Variants in ERCC2 observed in about 807,000 individuals in gnomAD.
The protein encoded by ERCC2 is ERCC excision repair 2, TFIIH core complex helicase subunit, also known as general transcription and DNA repair factor IIH helicase subunit XPD.
A neutral mutation model predicts 99.4 loss-of-function variants in ERCC2; 90 were observed. The observed-to-expected ratio is 0.91, with a 90% CI of 0.76 to 1.08. The LOEUF (loss-of-function observed/expected upper bound fraction) is 1.08, where lower values mean the gene tolerates loss of function less well. Among genes scored for constraint, ERCC2 ranks in the 50% least tolerant of loss-of-function variants. The pLI is 0.00. For synonymous variants in ERCC2, 497 were observed against 432.4 expected, an observed-to-expected ratio of 1.15 and a Z score of -1.85; for missense variants, 993 against 1,038.1, an observed-to-expected ratio of 0.96 and a Z score of 0.60.
chr19:45,354,546 T>G (rs1971944976), intron 17 of ERCC2, among the ~76,000 whole-genome samples, 184 bp downstream of exon 17: 1 of 152,136 alleles, frequency 6.6e-6, no homozygotes, highest in Non-Finnish European at 1.5e-5. Context: ...ATTCTCAGCC[T>G]GATGTACTGG....
At position 45,357,316 on chromosome 19, in the gene ERCC2, A is replaced by G. The variant is rs944171529; in HGVS notation, c.1433T>C (p.Met478Thr). ...PKILDFHPVTMATFTMTLARV... is the reference protein window; with the variant it reads ...PKILDFHPVTTATFTMTLARV... ...TGCCAGCGTCATGGTGAAGGTTGCC[A>G]TGGTGACGGGGTGGAAGTCCAGGAT... Residue 478 changes from methionine (M) to threonine (T), a missense_variant, in exon 15 of 23, where the codon ATG (methionine) becomes ACG (threonine). Met to Thr is a moderately conservative substitution (Grantham distance 81, BLOSUM62 -1). Around this residue, in one of 3 missense-constraint regions of ERCC2, gnomAD observed 909 missense variants for 930.8 expected, o/e 0.98. Transcript: ENST00000391945. 1 of 1,614,168 alleles carries G rather than the reference A, an allele frequency of 6.2e-7. No individual in the cohort carries two copies. The highest frequency in any genetic ancestry group is 2.2e-5 in the East Asian group (1 of 44,878).
intron 12 of ERCC2, chr19:45,358,982 G>T (rs914121579): frequency 2.8e-6 from 2 of 705,762 alleles, no homozygotes; most frequent in South Asian, 3.1e-5. Context: ...AAAAAATCAA[G>T]TCCTCTGTGC....
At position 45,357,345 on chromosome 19, in the gene ERCC2, G is replaced by A. The variant is rs886054497; in HGVS notation, c.1404C>T (p.Pro468=). Residue 468 remains proline, a synonymous_variant, in exon 15 of 23, where the codon CCC becomes CCT. Coordinates refer to ENST00000391945, the MANE Select transcript of ERCC2 (RefSeq NM_000400.4). ...SGTLSPLDIY[P]KILDFHPVTM... is the part of the protein sequence containing the mutation. The stretch of plus-strand genomic sequence containing the variant: ...TGACGGGGTGGAAGTCCAGGATCTT[G>A]GGGTAGATGTCCAGCGGGGACAGTG... The A allele has an allele frequency of 1.2e-6, 2 of 1,614,102 alleles. No homozygotes were observed. Among genetic ancestry groups the A allele is most frequent in the South Asian group, 1.1e-5 (1 of 91,074 alleles).
chr19:45,360,072 G>A (rs1315652838), intron 12 of ERCC2, among the ~76,000 whole-genome samples: 2 of 146,256 alleles, frequency 1.4e-5, no homozygotes, highest in East Asian at 2.1e-4. Flanking sequence ...ACTATGCCAG[G>A]CCTATTTTTT....
intron 5 of ERCC2, 80 bp from the exon 6 acceptor site, chr19:45,365,238 G>T: frequency 9.3e-7 from 1 of 1,074,290 alleles, no homozygotes; most frequent in Non-Finnish European, 1.4e-6. Context: ...ACACCTCCCA[G>T]CTGGCTGGGG....
chr19:45,360,155 A>G (rs972365402), intron 12 of ERCC2, among the ~76,000 whole-genome samples: 1 of 148,210 alleles, frequency 6.7e-6, no homozygotes, highest in African/African-American at 2.5e-5. Flanking sequence ...ATCTCGGCTC[A>G]CTGCAAGCTC....
At position 45,368,629 on chromosome 19, in the gene ERCC2, C is replaced by T; in HGVS notation, c.360+1G>A. On this transcript the variant is annotated splice_donor_variant, in intron 5 of 22. Coordinates refer to ENST00000391945, the MANE Select transcript of ERCC2 (RefSeq NM_000400.4). LOFTEE classifies it high-confidence loss of function. ...GGCAAGGAGAAGGAACAGGTGCTCACCTCAGGGTGAATACACAAGTTTTTG... is the reference window on the plus strand; with the variant it reads ...GGCAAGGAGAAGGAACAGGTGCTCATCTCAGGGTGAATACACAAGTTTTTG... 6.2e-7 allele frequency: 1 copy of T among 1,601,394 alleles called. No individual in the cohort carries two copies. Among genetic ancestry groups the T allele is most frequent in the Non-Finnish European group, 8.6e-7 (1 of 1,168,382 alleles).
In ERCC2 at chr19:45,352,832, G is replaced by C; in HGVS notation, c.1832-16C>G. 10 of 1,612,240 alleles carry C rather than the reference G, an allele frequency of 6.2e-6. No homozygotes were observed. The highest frequency in any genetic ancestry group is 8.5e-6 in the Non-Finnish European group (10 of 1,178,756). The stretch of plus-strand genomic sequence containing the variant: ...TAGTGGTGCACTGGTGGGCAGAGGA[G>C]AGGGGGCGAGGGGGGTTACAAGTGT... On this transcript the variant is annotated splice_polypyrimidine_tract_variant and intron_variant, in intron 19 of 22. Transcript: ENST00000391945.
chr19:45,351,259 C>G lies in ERCC2; in HGVS notation c.*370G>C, dbSNP rs1971756327. ...GTAACACTTGCCCCTCACCTCCCCT[C>G]CAACCATCCCCTGTGCCTGTCTCCA... On this transcript the variant is annotated 3_prime_UTR_variant, in exon 23 of 23. Transcript: ENST00000391945. The G allele has an allele frequency of 3.1e-6, 5 of 1,608,668 alleles. No individual in the cohort carries two copies. Among genetic ancestry groups the G allele is most frequent in the Non-Finnish European group, 4.2e-6 (5 of 1,178,248 alleles).
At chr19:45,352,447 G>GAAAC (rs1971840466) in intron 21 of ERCC2, 59 bp downstream of exon 21, 1 of 1,613,992 alleles carries the variant, frequency 6.2e-7, no homozygotes. Context: ...AAATGAACGG[G>GAAAC]AAACAGCCTG....
chr19:45,353,266 A>G lies in ERCC2; in HGVS notation c.1734T>C (p.Ser578=), dbSNP rs769277823. 6.2e-7 allele frequency: 1 copy of G among 1,613,930 alleles called. No individual in the cohort carries two copies. The highest frequency in any genetic ancestry group is 8.5e-7 in the Non-Finnish European group (1 of 1,179,948). The part of the protein sequence containing the change: ...FIETQDGAET[S]VALEKYQEAC... ...CCTCCTGGTACTTCTCCAGGGCGAC[A>G]CTGGTTTCGGCACCATCCTGGGTCT... is the stretch of plus-strand genomic sequence containing the variant. Residue 578 remains serine, a synonymous_variant, in exon 18 of 23, where the codon AGT becomes AGC. Coordinates refer to ENST00000391945, the MANE Select transcript of ERCC2 (RefSeq NM_000400.4).
rs116544270 is a variant in ERCC2 at position 45,353,275 on chromosome 19, G to C, written c.1725C>G (p.Ala575=). The C allele has an allele frequency of 3.1e-6, 5 of 1,613,642 alleles. No individual in the cohort carries two copies. In the African/African-American group the frequency reaches 5.3e-5, roughly 17 times the overall value. The part of the protein sequence containing the change: ...KLLFIETQDG[A]ETSVALEKYQ... ...ACTTCTCCAGGGCGACACTGGTTTC[G>C]GCACCATCCTGGGTCTCAATAAAGA... The change falls in exon 18 of 23, where the codon GCC becomes GCG. Residue 575 remains alanine, a synonymous_variant. Transcript: ENST00000391945.
rs1568526556 is a variant in ERCC2 at position 45,350,088 on chromosome 19, CAAGGCTTTAGGCAGGGG to C, written c.*1524_*1540del. The C allele has an allele frequency of 3.8e-6, 2 of 520,498 alleles. No individual in the cohort carries two copies. Among genetic ancestry groups the C allele is most frequent in the African/African-American group, 1.9e-5 (1 of 52,376 alleles). 32.2% of individuals were successfully genotyped at this position (520,498 alleles called of 1,614,324 possible). ...GCTCCAAACCCACTCTGCCCCAGGGCAAGGCTTTAGGCAGGGGAAGGATACGGCCAGGTCAGCACATT... is the reference window on the plus strand; with the variant it reads ...GCTCCAAACCCACTCTGCCCCAGGGCAAGGATACGGCCAGGTCAGCACATT... On this transcript the variant is annotated 3_prime_UTR_variant, in exon 23 of 23. Transcript: ENST00000391945.
In ERCC2 at chr19:45,352,558, C is replaced by T. The variant is rs755955616; in HGVS notation, c.1994G>A (p.Gly665Asp). 6.2e-7 allele frequency: 1 copy of T among 1,614,110 alleles called. No individual in the cohort carries two copies. The highest frequency in any genetic ancestry group is 1.7e-5 in the Admixed American group (1 of 60,028). The stretch of plus-strand genomic sequence containing the variant: ...GTCCGTCTTGCCCCTGATGGCCCGA[C>T]CCACACACTGGGCCGCGTGGCGCAT... ...DAMRHAAQCV[G>D]RAIRGKTDYG... The change falls in exon 21 of 23, where the codon GGT (glycine) becomes GAT (aspartate). Residue 665 changes from glycine to aspartate, a missense_variant. This residue lies in a region of ERCC2 where 909 missense variants were observed against 930.8 expected (regional missense o/e 0.98). Transcript: ENST00000391945.
At chr19:45,358,028 G>A in intron 12 of ERCC2, 1 of 469,526 alleles carries the variant, frequency 2.1e-6, no homozygotes, top group Non-Finnish European at 3.9e-6. Flanking sequence ...AGAGCCTCAA[G>A]CTTTCTCCCA....
intron 17 of ERCC2, 83 bp downstream of exon 17, chr19:45,354,647 G>A: frequency 1.3e-6 from 2 of 1,557,348 alleles, no homozygotes; most frequent in South Asian, 1.1e-5. Flanking sequence ...CACCATCAGA[G>A]TGTGAGAGGA....
At position 45,354,561 on chromosome 19, in the gene ERCC2, G is replaced by A. The variant is rs3916870; in HGVS notation, c.1665+169C>T. 4.1e-3 allele frequency among the ~76,000 whole-genome samples: 623 copies of A among 152,264 alleles called. 5 individuals carry two copies. The highest frequency in any genetic ancestry group is 0.013 in the African/African-American group (548 of 41,540). On this transcript the variant is annotated intron_variant, in intron 17 of 22. Coordinates refer to ENST00000391945, the MANE Select transcript of ERCC2 (RefSeq NM_000400.4). ...ATTCTCAGCCTGATGTACTGGGGGC[G>A]GGGCATGGGGGTGTGTGCTGCTTAC...
intron 22 of ERCC2, 45 bp from the exon 23 acceptor site, chr19:45,351,766 G>A (rs1426932530): frequency 6.4e-7 from 1 of 1,562,536 alleles, no homozygotes; most frequent in East Asian, 2.2e-5. Context: ...TGTTGGGCAG[G>A]GGCCCAGGCA....
At chr19:45,353,038 G>A (rs1271016927) in intron 19 of ERCC2, 45 bp downstream of exon 19, 1 of 1,580,962 alleles carries the variant, frequency 6.3e-7, no homozygotes, top group Non-Finnish European at 8.7e-7. Context: ...GTGTTCCAGA[G>A]AGCTCTGGGA....
Sources: allele counts gnomAD v4.1 joint callset (sites outside exome capture counted in the v4.1 genomes callset), GRCh38; gene constraint gnomAD v4.1.1; regional missense constraint gnomAD v4.1.1; transcripts MANE v1.5; gene names NCBI Gene and HGNC (gene_info 2026-07-23, HGNC 2026-07-21).